Variants in FBXW7 observed in about 807,000 individuals in gnomAD.
The protein encoded by FBXW7 is F-box/WD repeat-containing protein 7.
Under a neutral mutation model 86.3 loss-of-function variants are expected in FBXW7, and 11 were observed. The ratio of observed to expected loss-of-function variants is 0.13; its 90% CI spans 0.08 to 0.21. The LOEUF is 0.21. FBXW7 is among the 10% of genes least tolerant of loss of function. The pLI, the probability that FBXW7 is intolerant of heterozygous loss-of-function variation, is 1.00. For missense variants in FBXW7, 488 were observed against 847.4 expected (o/e 0.58, Z 5.27); for synonymous variants, 313 against 297.9 (o/e 1.05, Z -0.52).
At chr4:152,431,302 C>G (rs1180471017) in intron 2 of FBXW7, among the ~76,000 whole-genome samples, 1 of 152,138 alleles carries the variant, frequency 6.6e-6, no homozygotes, top group African/African-American at 2.4e-5. Flanking sequence ...GGGCAGCCCC[C>G]ATTCTGCAAG....
At chr4:152,404,019 T>A (rs550385116) in intron 4 of FBXW7, among the ~76,000 whole-genome samples, 2 of 152,348 alleles carry the variant, frequency 1.3e-5, no homozygotes, top group East Asian at 1.9e-4. Context: ...ACGTGTTAAG[T>A]TGATCTTAGA....
chr4:152,507,591 C>A (rs1376741505), intron 2 of FBXW7, among the ~76,000 whole-genome samples: 1 of 152,074 alleles, frequency 6.6e-6, no homozygotes, highest in East Asian at 1.9e-4. Flanking sequence ...TTCTAAGACA[C>A]AAAGACTTTT....
chr4:152,531,302 A>G (rs1021991663), intron 2 of FBXW7, among the ~76,000 whole-genome samples: 2 of 152,174 alleles, frequency 1.3e-5, no homozygotes, highest in African/African-American at 4.8e-5. Context: ...TCCAATCCCT[A>G]TATTTTCACC....
chr4:152,503,420 C>T (rs956163702), intron 2 of FBXW7, among the ~76,000 whole-genome samples: 4 of 152,028 alleles, frequency 2.6e-5, no homozygotes, highest in Admixed American at 2.0e-4. Flanking sequence ...CAGATGCACA[C>T]CACCACGCCC....
intron 2 of FBXW7, among the ~76,000 whole-genome samples, chr4:152,488,975 A>T (rs531482961): frequency 1.1e-3 from 174 of 152,220 alleles, no homozygotes; most frequent in Non-Finnish European, 2.3e-3. Context: ...AGTTTATAAT[A>T]TTAACTACTA....
chr4:152,460,420 T>G (rs1742835145), intron 2 of FBXW7, among the ~76,000 whole-genome samples: 2 of 152,202 alleles, frequency 1.3e-5, no homozygotes, highest in Non-Finnish European at 2.9e-5. Context: ...ATTTACTAGT[T>G]TTGATGTTGA....
intron 7 of FBXW7, among the ~76,000 whole-genome samples, chr4:152,335,787 A>G (rs1312852699): frequency 6.6e-6 from 1 of 152,158 alleles, no homozygotes; most frequent in East Asian, 1.9e-4. Context: ...AAAAAAAATT[A>G]TTTTTAAATG....
chr4:152,398,319 A>G (rs1736606220), intron 4 of FBXW7, among the ~76,000 whole-genome samples: 1 of 151,854 alleles, frequency 6.6e-6, no homozygotes, highest in Non-Finnish European at 1.5e-5. Flanking sequence ...TGCTTTTGAT[A>G]TGATGTTTCA....
chr4:152,394,943 A>G (rs188092453), intron 4 of FBXW7, among the ~76,000 whole-genome samples: 2 of 152,222 alleles, frequency 1.3e-5, no homozygotes, highest in East Asian at 3.9e-4. Flanking sequence ...GAATTAATGC[A>G]TTTGTTATAG....
intron 2 of FBXW7, among the ~76,000 whole-genome samples, chr4:152,434,203 C>T (rs1179699843): frequency 1.3e-5 from 2 of 152,128 alleles, no homozygotes; most frequent in African/African-American, 2.4e-5. Flanking sequence ...AAGTGTCGTA[C>T]GGACAGCTGA....
At chr4:152,417,724 G>A (rs1351158640) in intron 2 of FBXW7, among the ~76,000 whole-genome samples, 3 of 152,106 alleles carry the variant, frequency 2.0e-5, no homozygotes, top group African/African-American at 7.2e-5. Flanking sequence ...AGTGGCCACA[G>A]TGGTACCCTA....
At chr4:152,380,403 A>T (rs1197999668) in intron 4 of FBXW7, among the ~76,000 whole-genome samples, 1 of 152,102 alleles carries the variant, frequency 6.6e-6, no homozygotes, top group Non-Finnish European at 1.5e-5. Flanking sequence ...TGAGTTATGC[A>T]ATAGTAAATT....
At chr4:152,349,977 A>T (rs2126648423) in intron 5 of FBXW7, 65 bp downstream of exon 5, 1 of 910,592 alleles carries the variant, frequency 1.1e-6, no homozygotes, top group Non-Finnish European at 1.7e-6. Context: ...GAATAAACTA[A>T]AACACTTTCA....
intron 2 of FBXW7, among the ~76,000 whole-genome samples, chr4:152,454,882 C>T (rs757023425): frequency 7.9e-5 from 12 of 151,996 alleles, no homozygotes; most frequent in Non-Finnish European, 1.3e-4. Flanking sequence ...AACAATGCAC[C>T]TCCACTTTCC....
chr4:152,507,428 T>C (rs1182928968), intron 2 of FBXW7, among the ~76,000 whole-genome samples: 5 of 152,200 alleles, frequency 3.3e-5, no homozygotes, highest in Admixed American at 6.5e-5. Context: ...TGAAATAACA[T>C]ATTTGACACA....
At chr4:152,490,773 T>C (rs1745771636) in intron 2 of FBXW7, among the ~76,000 whole-genome samples, 1 of 152,142 alleles carries the variant, frequency 6.6e-6, no homozygotes, top group Non-Finnish European at 1.5e-5. Context: ...TGTTTAATGG[T>C]ATAATTATAA....
chr4:152,498,163 T>C (rs1017089750), intron 2 of FBXW7, among the ~76,000 whole-genome samples: 1 of 152,174 alleles, frequency 6.6e-6, no homozygotes, highest in Admixed American at 6.5e-5. Flanking sequence ...CTGTCCTTTC[T>C]TTGTATCTTT....
At chr4:152,415,552 TTAA>T (rs1738353355) in intron 2 of FBXW7, among the ~76,000 whole-genome samples, 1 of 152,136 alleles carries the variant, frequency 6.6e-6, no homozygotes, top group Non-Finnish European at 1.5e-5. Flanking sequence ...TAATAATTTA[TTAA>T]TTACTATGAT....
chr4:152,458,605 C>T (rs1742653514), intron 2 of FBXW7, among the ~76,000 whole-genome samples: 1 of 152,204 alleles, frequency 6.6e-6, no homozygotes, highest in Non-Finnish European at 1.5e-5. Flanking sequence ...CACATACATC[C>T]ATTTGCACAT....
Sources: gnomAD v4.1 joint callset for allele counts (sites outside exome capture counted in the v4.1 genomes callset) on GRCh38, gnomAD v4.1.1 for gene constraint, MANE v1.5 for transcripts, NCBI Gene and HGNC (gene_info 2026-07-23, HGNC 2026-07-21) for gene names.